Variants in ANKRD31 observed in about 807,000 individuals in gnomAD.
ANKRD31 encodes ankyrin repeat domain 31.
ANKRD31 carries 147 observed loss-of-function variants against 186.0 expected under a neutral mutation model. The observed-to-expected ratio is 0.79, with a 90% confidence interval of 0.69 to 0.91. The LOEUF is 0.91. Ranked by LOEUF, ANKRD31 falls within the 40% of genes least tolerant of loss-of-function variation. ANKRD31 has a pLI of 0.00. For synonymous variants in ANKRD31, 673 were observed against 736.4 expected, an observed-to-expected ratio of 0.91 and a Z score of 1.39; for missense variants, 1,986 against 2,148.8, an observed-to-expected ratio of 0.92 and a Z score of 1.50.
chr5:75,205,304 T>G (rs775626405), intron 5 of ANKRD31, among the ~76,000 whole-genome samples: 5 of 152,162 alleles, frequency 3.3e-5, no homozygotes, highest in Non-Finnish European at 7.3e-5. Flanking sequence ...AATTCCTGGG[T>G]TTTTATCCCT....
rs1469094116 is a variant in ANKRD31, at chr5:75,146,090, A to C, written c.3321T>G (p.Thr1107=). Residue 1107 remains threonine, a synonymous_variant, in exon 14 of 26, where the codon ACT becomes ACG. Transcript: ENST00000506364. ...KRRQNHLESE[T]IHNIDSHSTD... is the part of the protein sequence containing the mutation. ...TGGAATGAGAATCTATATTGTGTAT[A>C]GTCTCACTTTCTAGATGGTTTTGTC... 2 of 1,535,400 alleles carry C rather than the reference A, an allele frequency of 1.3e-6. No individual in the cohort carries two copies. Among genetic ancestry groups the C allele is most frequent in the Non-Finnish European group, 8.7e-7 (1 of 1,145,748 alleles).
At chr5:75,173,878 C>T (rs975535413) in intron 10 of ANKRD31, among the ~76,000 whole-genome samples, 2 of 152,108 alleles carry the variant, frequency 1.3e-5, no homozygotes, top group African/African-American at 4.8e-5. Flanking sequence ...GAAAAAACTA[C>T]TTTAAAGTTC....
chr5:75,196,678 G>T (rs903790649), intron 6 of ANKRD31, among the ~76,000 whole-genome samples: 4 of 152,118 alleles, frequency 2.6e-5, no homozygotes, highest in Admixed American at 2.6e-4. Flanking sequence ...GTGGAGTAAA[G>T]AGGCCAAAGG....
chr5:75,096,838 G>T (rs892108565), intron 22 of ANKRD31, among the ~76,000 whole-genome samples: 5 of 94,208 alleles, frequency 5.3e-5, no homozygotes, highest in African/African-American at 2.1e-4. Context: ...ACAGGCCCCA[G>T]TGTGATTTTC....
At chr5:75,196,988 C>T (rs183877549) in intron 6 of ANKRD31, among the ~76,000 whole-genome samples, 25 of 151,812 alleles carry the variant, frequency 1.6e-4, no homozygotes, top group African/African-American at 6.1e-4. Flanking sequence ...GCAACCTCTG[C>T]CTCCAGGATT....
At chr5:75,213,248 C>A (rs1193772060) in intron 3 of ANKRD31, among the ~76,000 whole-genome samples, 1 of 152,144 alleles carries the variant, frequency 6.6e-6, no homozygotes, top group Non-Finnish European at 1.5e-5. Flanking sequence ...TGTGTCTCTG[C>A]AAAGTAATTT....
chr5:75,236,576 T>C lies in ANKRD31; in HGVS notation c.104+7A>G, dbSNP rs962596047. 1 of 1,536,200 alleles carries C rather than the reference T, an allele frequency of 6.5e-7. No individual in the cohort carries two copies. ...GGTTCAGGCACTGTGGCCCTAATGATGGTCACCTTCTCCAGGGCAGCTCCT... is the reference window on the plus strand; with the variant it reads ...GGTTCAGGCACTGTGGCCCTAATGACGGTCACCTTCTCCAGGGCAGCTCCT... On this transcript the variant is annotated splice_region_variant and intron_variant, in intron 1 of 25. Transcript: ENST00000506364.
At chr5:75,129,860 T>C (rs1369751723) in intron 17 of ANKRD31, among the ~76,000 whole-genome samples, 1 of 152,084 alleles carries the variant, frequency 6.6e-6, no homozygotes, top group Non-Finnish European at 1.5e-5. Context: ...GTGCAAGGGG[T>C]TAGGGAATTC....
chr5:75,179,660 A>AG (rs1388056855), intron 10 of ANKRD31, among the ~76,000 whole-genome samples: 11 of 152,208 alleles, frequency 7.2e-5, no homozygotes, highest in African/African-American at 2.2e-4. Flanking sequence ...GATGCAGAAA[A>AG]GGCCTTTGAC....
At chr5:75,148,676 A>C in intron 12 of ANKRD31, 48 bp from the exon 13 acceptor site, 1 of 1,426,576 alleles carries the variant, frequency 7.0e-7, no homozygotes, top group Non-Finnish European at 9.4e-7. Flanking sequence ...TAGTGTTTAG[A>C]CTTTAGACTT....
chr5:75,146,613 T>C lies in ANKRD31; in HGVS notation c.2798A>G (p.Asn933Ser). The C allele has an allele frequency of 1.3e-6, 2 of 1,535,438 alleles. No individual in the cohort carries two copies. The highest frequency in any genetic ancestry group is 1.7e-4 in the Middle Eastern group (1 of 5,970). ...GGKKHYNFKE[N>S]LTNKKEMGFQ... ...ACCCATTTCTTTTTTATTTGTTAAA[T>C]TCTCCTTAAAATTATAGTGTTTTTT... The change falls in exon 14 of 26, where the codon AAT becomes AGT. Residue 933 changes from asparagine (N) to serine (S), a missense_variant. Transcript: ENST00000506364.
intron 3 of ANKRD31, among the ~76,000 whole-genome samples, chr5:75,213,211 T>C (rs910679512): frequency 4.6e-5 from 7 of 152,152 alleles, no homozygotes; most frequent in Non-Finnish European, 1.0e-4. Flanking sequence ...TTAAACAGGG[T>C]ATACCTACAC....
chr5:75,193,450 A>T lies in ANKRD31; in HGVS notation c.1159T>A (p.Ser387Thr), dbSNP rs1057391120. ...ACTTTCAGTTTTTCTAGTCTGGATG[A>T]TCTCCTCAACACACACGCAGTTTCC... The part of the protein sequence containing the change: ...DQETACVLRR[S>T]SRLEKLKVSR... The change falls in exon 8 of 26, where the codon TCA becomes ACA. Residue 387 changes from serine to threonine, a missense_variant. Ser to Thr is a moderately conservative substitution (Grantham distance 58). Coordinates refer to ENST00000506364, the MANE Select transcript of ANKRD31 (RefSeq NM_001372053.1). 5 of 1,537,360 alleles carry T rather than the reference A, an allele frequency of 3.3e-6. No individual in the cohort carries two copies. Among genetic ancestry groups the T allele is most frequent in the Non-Finnish European group, 3.5e-6 (4 of 1,146,802 alleles).
chr5:75,236,575 A>G lies in ANKRD31; in HGVS notation c.104+8T>C. ...GGGTTCAGGCACTGTGGCCCTAATG[A>G]TGGTCACCTTCTCCAGGGCAGCTCC... On this transcript the variant is annotated splice_region_variant and intron_variant, in intron 1 of 25. Transcript: ENST00000506364. 6.5e-7 allele frequency: 1 copy of G among 1,536,266 alleles called. No individual in the cohort carries two copies. Among genetic ancestry groups the G allele is most frequent in the Non-Finnish European group, 8.7e-7 (1 of 1,146,382 alleles).
intron 11 of ANKRD31, among the ~76,000 whole-genome samples, chr5:75,159,161 A>T (rs773355724): frequency 1.7e-4 from 26 of 152,152 alleles, no homozygotes; most frequent in Non-Finnish European, 3.4e-4. Flanking sequence ...GGAGAGACAG[A>T]TTAACAAAGA....
chr5:75,169,463 G>A (rs1580471436), intron 10 of ANKRD31, among the ~76,000 whole-genome samples: 2 of 152,242 alleles, frequency 1.3e-5, no homozygotes, highest in Admixed American at 1.3e-4. Context: ...CAGAGATGAG[G>A]GGAGAAAAGC....
intron 25 of ANKRD31, among the ~76,000 whole-genome samples, chr5:75,074,581 C>A (rs760760110): frequency 1.3e-5 from 2 of 152,186 alleles, no homozygotes; most frequent in Non-Finnish European, 2.9e-5. Context: ...GGATAATCCC[C>A]AACTGAGCCA....
intron 2 of ANKRD31, among the ~76,000 whole-genome samples, chr5:75,224,730 G>T (rs891412116): frequency 6.6e-6 from 1 of 152,090 alleles, no homozygotes; most frequent in African/African-American, 2.4e-5. Flanking sequence ...TGAGGTCACT[G>T]AAGTATTTCT....
intron 14 of ANKRD31, among the ~76,000 whole-genome samples, chr5:75,145,115 T>C (rs1480998131): frequency 6.6e-6 from 1 of 152,034 alleles, no homozygotes; most frequent in African/African-American, 2.4e-5. Context: ...TGTGGAGAAA[T>C]AGGAATGCTT....
Sources: gnomAD v4.1 joint callset for allele counts (sites outside exome capture counted in the v4.1 genomes callset) on GRCh38, gnomAD v4.1.1 for gene constraint, MANE v1.5 for transcripts, NCBI Gene and HGNC (gene_info 2026-07-23, HGNC 2026-07-21) for gene names.